Variants in SYCP2 observed in about 807,000 individuals in gnomAD.
The protein encoded by SYCP2 is synaptonemal complex lateral element protein.
In SYCP2, 55 loss-of-function variants were observed where a neutral mutation model predicts 211.3. That is an observed-to-expected ratio of 0.26 (90% CI 0.21 to 0.33). SYCP2 has a LOEUF of 0.33. Ranked by LOEUF, SYCP2 falls within the 10% of genes least tolerant of loss-of-function variation. The probability of loss-of-function intolerance (pLI) is 1.00; values close to 1 mark genes in which losing one functional copy is unlikely to be tolerated. For missense variants in SYCP2, 1,731 were observed against 1,752.0 expected (o/e 0.99, Z 0.21); for synonymous variants, 570 against 555.2 (o/e 1.03, Z -0.37).
intron 34 of SYCP2, 30 bp downstream of exon 34, chr20:59,875,241 C>CAA: frequency 7.1e-7 from 1 of 1,417,024 alleles, no homozygotes; most frequent in Non-Finnish European, 9.7e-7. Context: ...ATTGAATATT[C>CAA]AAGTAAAGAA....
intron 35 of SYCP2, among the ~76,000 whole-genome samples, chr20:59,871,591 G>A (rs529516571): frequency 5.3e-5 from 8 of 151,868 alleles, no homozygotes; most frequent in African/African-American, 1.9e-4. Flanking sequence ...GGGATTAAAG[G>A]ATGCGGGGGA....
chr20:59,880,549 C>T (rs1215345060), intron 30 of SYCP2, 78 bp from the exon 31 acceptor site: 1 of 777,562 alleles, frequency 1.3e-6, no homozygotes, highest in Admixed American at 3.6e-5. Context: ...ACCAAAACAA[C>T]AACAACAACA....
At chr20:59,886,673 G>A (rs2059795226) in intron 25 of SYCP2, 34 bp downstream of exon 25, 1 of 1,485,556 alleles carries the variant, frequency 6.7e-7, no homozygotes, top group African/African-American at 1.4e-5. Context: ...GTATCTGTCA[G>A]AAAAATATTC....
intron 2 of SYCP2, among the ~76,000 whole-genome samples, chr20:59,925,265 T>G (rs115920565): frequency 0.019 from 2,946 of 152,038 alleles, 79 homozygotes; most frequent in African/African-American, 0.067. Flanking sequence ...GCATGCTTAG[T>G]TTAATACTTA....
intron 17 of SYCP2, among the ~76,000 whole-genome samples, chr20:59,900,517 TAA>T (rs1424761891): frequency 6.6e-6 from 1 of 152,138 alleles, no homozygotes; most frequent in Non-Finnish European, 1.5e-5. Context: ...ACTGCTTTTT[TAA>T]AGTTTTAAAG....
intron 24 of SYCP2, among the ~76,000 whole-genome samples, chr20:59,890,524 G>A (rs891058474): frequency 6.6e-6 from 1 of 152,028 alleles, no homozygotes; most frequent in Non-Finnish European, 1.5e-5. Context: ...TTCTGCACAT[G>A]TACCCCAGAA....
intron 24 of SYCP2, among the ~76,000 whole-genome samples, chr20:59,888,727 C>CCTCA (rs145501503): frequency 0.02 from 3,023 of 152,098 alleles, 41 homozygotes; most frequent in Middle Eastern, 0.041. Context: ...TCACAAATGA[C>CCTCA]CTGTCTGTAG....
chr20:59,895,420 T>C lies in SYCP2; in HGVS notation c.1665+17A>G. 6.4e-7 allele frequency: 1 copy of C among 1,572,626 alleles called. No individual in the cohort carries two copies. Among genetic ancestry groups the C allele is most frequent in the South Asian group, 1.2e-5 (1 of 84,582 alleles). ...ACTTGAAAAAATATTTTTAAAATACTTTCAAGGTAAAGTTACTTTGTCTAT... is the reference window on the plus strand; with the variant it reads ...ACTTGAAAAAATATTTTTAAAATACCTTCAAGGTAAAGTTACTTTGTCTAT... On this transcript the variant is annotated intron_variant, in intron 20 of 44. Transcript: ENST00000357552.
intron 24 of SYCP2, among the ~76,000 whole-genome samples, chr20:59,887,302 C>T (rs1457899534): frequency 6.6e-6 from 1 of 152,114 alleles, no homozygotes; most frequent in Non-Finnish European, 1.5e-5. Context: ...CCAGCTTCAT[C>T]CATGTCCCTA....
chr20:59,910,381 T>TTC (rs1265967356), intron 14 of SYCP2, among the ~76,000 whole-genome samples: 11 of 130,890 alleles, frequency 8.4e-5, no homozygotes, highest in African/African-American at 3.4e-4. Flanking sequence ...CTTATTTTTT[T>TTC]TTTTTTTTTT....
intron 19 of SYCP2, among the ~76,000 whole-genome samples, chr20:59,895,873 G>C (rs371991151): frequency 2.0e-5 from 3 of 152,064 alleles, no homozygotes; most frequent in African/African-American, 7.2e-5. Context: ...AAGATTTTTA[G>C]AACAGAAGGT....
intron 14 of SYCP2, among the ~76,000 whole-genome samples, chr20:59,911,394 A>G (rs773398012): frequency 2.0e-5 from 3 of 152,210 alleles, no homozygotes; most frequent in Middle Eastern, 3.2e-3. Context: ...GTCTGTTAAT[A>G]TTTTCAATAG....
At chr20:59,918,390 A>G (rs1026865466) in intron 7 of SYCP2, among the ~76,000 whole-genome samples, 1 of 152,174 alleles carries the variant, frequency 6.6e-6, no homozygotes, top group African/African-American at 2.4e-5. Context: ...ACAGGAAGCA[A>G]CATCTCCATT....
rs1157666497 is a variant in SYCP2, at chr20:59,865,819, C to CT, written c.4366dup (p.Ser1456LysfsTer15). On this transcript the variant is annotated frameshift_variant, in exon 42 of 45. Transcript: ENST00000357552. LOFTEE classifies it high-confidence loss of function. The stretch of plus-strand genomic sequence containing the variant: ...ATGTCATACTAACCTCTGTTGTTCG[C>CT]TTTTTTGATATGCACTGAACTTCTG... The CT allele has an allele frequency of 2.1e-6, 3 of 1,437,434 alleles. No individual in the cohort carries two copies. Among genetic ancestry groups the CT allele is most frequent in the Admixed American group, 2.1e-5 (1 of 48,102 alleles). The allele number at this position is 1,437,434 out of a possible 1,614,324, so 89.0% of individuals were successfully genotyped here.
chr20:59,880,371 T>C lies in SYCP2; in HGVS notation c.2873A>G (p.Lys958Arg). The part of the protein sequence containing the change: ...KTDISWLREP[K>R]SKPQLIDYSR... Reference sequence around the variant, plus strand: ...ATAGTCTATTAGCTGTGGTTTTGATTTCGGTTCTCTTAGCCAGCTAATATC... The same window carrying C: ...ATAGTCTATTAGCTGTGGTTTTGATCTCGGTTCTCTTAGCCAGCTAATATC... Residue 958 changes from lysine to arginine, a missense_variant, in exon 31 of 45, where the codon AAA becomes AGA. Lys to Arg is a conservative substitution (Grantham distance 26, BLOSUM62 2). This residue lies in a region of SYCP2 where 1,387 missense variants were observed against 1,351.3 expected (regional missense o/e 1.03). Coordinates refer to ENST00000357552, the MANE Select transcript of SYCP2 (RefSeq NM_014258.4). 1 of 1,601,730 alleles carries C rather than the reference T, an allele frequency of 6.2e-7. No homozygotes were observed. The highest frequency in any genetic ancestry group is 1.3e-5 in the African/African-American group (1 of 74,886).
At chr20:59,902,283 TGTGAG>T (rs1302173467) in intron 15 of SYCP2, among the ~76,000 whole-genome samples, 1 of 152,122 alleles carries the variant, frequency 6.6e-6, no homozygotes, top group Non-Finnish European at 1.5e-5. Context: ...GTCAGGAGAT[TGTGAG>T]GTGAGAAGGA....
intron 14 of SYCP2, among the ~76,000 whole-genome samples, chr20:59,909,572 C>T (rs1568966340): frequency 6.6e-6 from 1 of 152,348 alleles, no homozygotes; most frequent in East Asian, 1.9e-4. Flanking sequence ...GTGCCTAGTA[C>T]ATACGTGACA....
chr20:59,871,854 C>T (rs546386287), intron 35 of SYCP2, among the ~76,000 whole-genome samples: 39 of 152,010 alleles, frequency 2.6e-4, no homozygotes, highest in Non-Finnish European at 5.2e-4. Context: ...TCAATACAGA[C>T]ACAATTAAAA....
chr20:59,873,402 T>C (rs995717674), intron 35 of SYCP2, among the ~76,000 whole-genome samples: 10 of 152,174 alleles, frequency 6.6e-5, no homozygotes, highest in African/African-American at 2.4e-4. Context: ...AGGTAGGGTA[T>C]ACAGCAGCAT....
Sources: gnomAD v4.1 joint callset for allele counts (sites outside exome capture counted in the v4.1 genomes callset) on GRCh38, gnomAD v4.1.1 for gene constraint, gnomAD v4.1.1 regional missense constraint, MANE v1.5 for transcripts, NCBI Gene and HGNC (gene_info 2026-07-23, HGNC 2026-07-21) for gene names.